CGGBP1: variants seen among roughly 807,000 people sequenced by gnomAD.
CGGBP1 encodes CGG triplet repeat binding protein 1.
A neutral mutation model predicts 11.4 loss-of-function variants in CGGBP1; 4 were observed. The observed-to-expected ratio is 0.35, with a 90% CI of 0.17 to 0.80. CGGBP1 has a LOEUF of 0.80. Ranked by LOEUF, CGGBP1 falls within the 30% of genes least tolerant of loss-of-function variation. The probability of loss-of-function intolerance (pLI) is 0.52; values close to 1 mark genes in which losing one functional copy is unlikely to be tolerated. For synonymous variants in CGGBP1, 76 were observed against 74.1 expected (o/e 1.03, Z -0.13); for missense variants, 135 against 202.1 (o/e 0.67, Z 2.01).
At chr3:88,146,409 G>C (rs1428445122) in intron 1 of CGGBP1, among the ~76,000 whole-genome samples, 1 of 152,098 alleles carries the variant, frequency 6.6e-6, no homozygotes, top group Non-Finnish European at 1.5e-5. Flanking sequence ...TTAGTAGTAA[G>C]ATCTAATATC....
intron 2 of CGGBP1, among the ~76,000 whole-genome samples, chr3:88,102,235 C>T (rs1704468545): frequency 6.6e-6 from 1 of 152,026 alleles, no homozygotes. Context: ...TTTTTGTCAG[C>T]TTTTGGAAAT....
chr3:88,093,910 T>G (rs9881255), intron 2 of CGGBP1, among the ~76,000 whole-genome samples: 119,109 of 152,054 alleles, frequency 0.78, 47,574 homozygotes, highest in South Asian at 0.91. Flanking sequence ...CAATGAGTAT[T>G]GCCCATCTCC....
chr3:88,080,029 C>T (rs751483007), intron 2 of CGGBP1, among the ~76,000 whole-genome samples: 81 of 151,020 alleles, frequency 5.4e-4, no homozygotes, highest in Middle Eastern at 6.8e-3. Context: ...ACAAGTGACT[C>T]TTTTTTTTTC....
Position 88,118,419 on chromosome 3 carries a change from T to C in CGGBP1, c.-229+22551A>G, listed in dbSNP as rs147181691. On this transcript the variant is annotated intron_variant, in intron 2 of 3. Coordinates refer to the CGGBP1 transcript ENST00000462901. ...AAAAGAGCCAGCCACATGAAAGGAG[T>C]TGAAAAGCCCACCCTCCTTTGTGGG... Among the ~76,000 whole-genome samples the C allele has an allele frequency of 7.9e-4, 120 of 151,700 alleles. 1 individual carries two copies. The highest frequency in any genetic ancestry group is 2.4e-3 in the African/African-American group (99 of 41,352).
Position 88,116,559 on chromosome 3 carries a change from T to TACAC in CGGBP1, c.-229+24410_-229+24411insGTGT, listed in dbSNP as rs140401038. Among the ~76,000 whole-genome samples, 538 of 146,650 alleles carry TACAC rather than the reference T, an allele frequency of 3.7e-3. 3 individuals are homozygous for TACAC. The highest frequency in any genetic ancestry group is 0.011 in the African/African-American group (446 of 39,774). On this transcript the variant is annotated intron_variant, in intron 2 of 3. Coordinates refer to the CGGBP1 transcript ENST00000462901. The stretch of plus-strand genomic sequence containing the variant: ...AAAAATACATACATACATACATATA[T>TACAC]ATACACACACACACACACATGCACA...
chr3:88,085,093 A>C (rs1388971831), intron 2 of CGGBP1, among the ~76,000 whole-genome samples: 1 of 152,214 alleles, frequency 6.6e-6, no homozygotes, highest in Non-Finnish European at 1.5e-5. Context: ...AAAATTGTAG[A>C]AATGTGAGAG....
At chr3:88,126,830 A>G (rs1348639591) in intron 2 of CGGBP1, among the ~76,000 whole-genome samples, 1 of 152,132 alleles carries the variant, frequency 6.6e-6, no homozygotes, top group African/African-American at 2.4e-5. Flanking sequence ...GAATGAATAA[A>G]TTTGAATTCT....
intron 1 of CGGBP1, among the ~76,000 whole-genome samples, chr3:88,145,931 A>G (rs538759151): frequency 3.7e-4 from 57 of 152,296 alleles, no homozygotes; most frequent in Admixed American, 3.3e-3. Flanking sequence ...GAAAAATCAG[A>G]TGTGTCCTAA....
chr3:88,060,336 A>G (rs1222040005), upstream of CGGBP1, among the ~76,000 whole-genome samples: 1 of 152,188 alleles, frequency 6.6e-6, no homozygotes, highest in Non-Finnish European at 1.5e-5. Flanking sequence ...GATGTTGTTC[A>G]AAGTGTTTGT....
At chr3:88,131,855 C>A (rs969929119) in intron 2 of CGGBP1, among the ~76,000 whole-genome samples, 4 of 151,706 alleles carry the variant, frequency 2.6e-5, no homozygotes, top group Non-Finnish European at 4.4e-5. Flanking sequence ...TTTTTTCAGC[C>A]TCCAAAGTCT....
chr3:88,066,600 A>T lies in CGGBP1; in HGVS notation c.-228-8377T>A, dbSNP rs1227953520. On this transcript the variant is annotated intron_variant, in intron 2 of 3. Transcript: ENST00000462901. Reference sequence around the variant, plus strand: ...CAAACAAAAAAAACAAAAAAACCTCAATTTTAATTTTGTAGATAAAATGGC... The same window carrying T: ...CAAACAAAAAAAACAAAAAAACCTCTATTTTAATTTTGTAGATAAAATGGC... Among the ~76,000 whole-genome samples the T allele has an allele frequency of 8.5e-5, 13 of 152,072 alleles. 1 individual carries two copies. The South Asian group carries it at 1.2e-3, about 15-fold the overall frequency.
At chr3:88,070,429 CT>C (rs928226050) in intron 2 of CGGBP1, among the ~76,000 whole-genome samples, 190 of 145,344 alleles carry the variant, frequency 1.3e-3, no homozygotes, top group Admixed American at 1.8e-3. Flanking sequence ...ATCCAAATTT[CT>C]TTTTTTTTTT....
At chr3:88,141,596 G>C (rs576478011) in intron 1 of CGGBP1, 4 of 1,384,604 alleles carry the variant, frequency 2.9e-6, no homozygotes, top group Non-Finnish European at 2.9e-6. Flanking sequence ...TTGGAATTCC[G>C]GTCGAATGTC....
At chr3:88,132,375 T>C (rs1181969812) in intron 2 of CGGBP1, among the ~76,000 whole-genome samples, 1 of 152,176 alleles carries the variant, frequency 6.6e-6, no homozygotes, top group Non-Finnish European at 1.5e-5. Flanking sequence ...GTTTGTACAC[T>C]GAATGAGTGC....
chr3:88,138,218 AAGT>A (rs1269959397), intron 2 of CGGBP1, among the ~76,000 whole-genome samples: 1 of 152,182 alleles, frequency 6.6e-6, no homozygotes, highest in African/African-American at 2.4e-5. Flanking sequence ...TAAGCAAAAT[AAGT>A]AATATTTTTT....
At chr3:88,083,184 G>A (rs1390376900) in intron 2 of CGGBP1, among the ~76,000 whole-genome samples, 4 of 152,172 alleles carry the variant, frequency 2.6e-5, no homozygotes, top group Non-Finnish European at 5.9e-5. Context: ...CAGTCCCATC[G>A]GGGGGTTAGG....
intron 2 of CGGBP1, among the ~76,000 whole-genome samples, chr3:88,119,842 T>G (rs1054857694): frequency 6.6e-6 from 1 of 152,186 alleles, no homozygotes; most frequent in African/African-American, 2.4e-5. Flanking sequence ...TCCATTAGCA[T>G]GGCAACTACC....
chr3:88,095,882 A>C, intron 2 of CGGBP1: 1 of 436,294 alleles, frequency 2.3e-6, no homozygotes, highest in Non-Finnish European at 4.4e-6. Flanking sequence ...CTTGCCACTT[A>C]ACCACATGCC....
intron 2 of CGGBP1, among the ~76,000 whole-genome samples, chr3:88,112,697 C>T (rs1385810233): frequency 6.6e-6 from 1 of 151,794 alleles, no homozygotes; most frequent in African/African-American, 2.4e-5. Context: ...TAATTTTATT[C>T]AACTCTTGTA....
Sources: gnomAD v4.1 joint callset for allele counts (sites outside exome capture counted in the v4.1 genomes callset) on GRCh38, gnomAD v4.1.1 for gene constraint, MANE v1.5 for transcripts, NCBI Gene and HGNC (gene_info 2026-07-23, HGNC 2026-07-21) for gene names.